The following ZNF816 variants were observed in gnomAD, a reference collection of about 807,000 sequenced individuals.
ZNF816 encodes zinc finger protein 816, also known as zinc finger protein 816A.
A neutral mutation model predicts 8.3 loss-of-function variants in ZNF816; 11 were observed. The ratio of observed to expected loss-of-function variants is 1.32; its 90% CI spans 0.83 to 2.19. ZNF816 has a LOEUF of 2.19. Ranked by LOEUF, ZNF816 falls within the 30% of genes most tolerant of loss-of-function variation. The pLI is 0.00. For missense variants in ZNF816, 710 were observed against 779.3 expected (o/e 0.91, Z 1.06); for synonymous variants, 255 against 254.5 (o/e 1.00, Z -0.02).
At position 52,951,044 on chromosome 19, in the gene ZNF816, AAG is replaced by A. The variant is rs779815432; in HGVS notation, c.729_730del (p.Leu244LysfsTer14). On this transcript the variant is annotated frameshift_variant, in exon 4 of 4. Transcript: ENST00000444460. LOFTEE classifies it low-confidence loss of function (END_TRUNC). Reference sequence around the variant, plus strand: ...TGAATGGGTTATGTGGTGTCTCCTTAAGAGTGAGCTATAATTAAAGGCTTTGC... The same window carrying A: ...TGAATGGGTTATGTGGTGTCTCCTTAAGTGAGCTATAATTAAAGGCTTTGC... 7 of 1,614,084 alleles carry A rather than the reference AAG, an allele frequency of 4.3e-6. No individual in the cohort carries two copies. Among genetic ancestry groups the A allele is most frequent in the Non-Finnish European group, 5.9e-6 (7 of 1,180,024 alleles).
chr19:52,959,191 A>C (rs1568440715), intron 1 of ZNF816, among the ~76,000 whole-genome samples: 2 of 152,238 alleles, frequency 1.3e-5, no homozygotes, highest in African/African-American at 2.4e-5. Flanking sequence ...ACCTGAACAT[A>C]AAGGCCCCCC....
At chr19:52,961,255 C>A (rs527696321) in intron 1 of ZNF816, among the ~76,000 whole-genome samples, 2 of 152,150 alleles carry the variant, frequency 1.3e-5, no homozygotes, top group East Asian at 3.9e-4. Context: ...CTAGGTGACA[C>A]AAGTAAAATA....
intron 3 of ZNF816, chr19:52,952,038 C>A: frequency 2.5e-6 from 1 of 395,868 alleles, no homozygotes; most frequent in Admixed American, 4.3e-5. Context: ...AACACTGTCA[C>A]AGTGCTAGTG....
At chr19:52,952,716 C>A (rs2083469746) in intron 3 of ZNF816, 35 bp downstream of exon 3, 2 of 1,611,122 alleles carry the variant, frequency 1.2e-6, no homozygotes, top group Non-Finnish European at 1.7e-6. Flanking sequence ...TAGACAAGTG[C>A]AGATTCCTCA....
intron 2 of ZNF816, chr19:52,953,374 C>G: frequency 4.7e-6 from 1 of 210,574 alleles, no homozygotes; most frequent in Non-Finnish European, 9.7e-6. Context: ...GCTTGGGCTG[C>G]AGAGTAGGAC....
At position 52,957,564 on chromosome 19, in the gene ZNF816, G is replaced by A. The variant is rs1056639745; in HGVS notation, c.-15-1460C>T. On this transcript the variant is annotated intron_variant, in intron 1 of 3. Coordinates refer to ENST00000444460, the MANE Select transcript of ZNF816 (RefSeq NM_001202457.3). The surrounding 1 kb of genome is among the most constrained non-coding windows in gnomAD (Gnocchi z 4.6). ...GACCAGGCTCAACTGCCCCCAAGGA[G>A]CCCATGGTCAAGATGACAGTTAGGG... 6.6e-6 allele frequency among the ~76,000 whole-genome samples: 1 copy of A among 152,190 alleles called. No homozygotes were observed. Among genetic ancestry groups the A allele is most frequent in the African/African-American group, 2.4e-5 (1 of 41,442 alleles).
chr19:52,949,884 T>G lies in ZNF816; in HGVS notation c.1891A>C (p.Thr631Pro). 1 of 1,613,868 alleles carries G rather than the reference T, an allele frequency of 6.2e-7. No homozygotes were observed. The highest frequency in any genetic ancestry group is 8.5e-7 in the Non-Finnish European group (1 of 1,179,808). ...TGGTGAATAAGTGTTGACTGTCCAG[T>G]AAAGGCTTTGCCACACTCATTACAC... ...YKCNECGKAF[T>P]GQSTLIHHQA... Residue 631 changes from threonine to proline, a missense_variant, in exon 4 of 4, where the codon ACT becomes CCT. By Grantham distance (38) the Thr-to-Pro change is conservative (BLOSUM62 -1). Coordinates refer to ENST00000444460, the MANE Select transcript of ZNF816 (RefSeq NM_001202457.3).
chr19:52,957,167 T>C lies in ZNF816; in HGVS notation c.-15-1063A>G, dbSNP rs2083517711. Among the ~76,000 whole-genome samples the C allele has an allele frequency of 6.6e-6, 1 of 152,204 alleles. No homozygotes were observed. Among genetic ancestry groups the C allele is most frequent in the South Asian group, 2.1e-4 (1 of 4,830 alleles). Reference sequence around the variant, plus strand: ...TAAAGCCACTTCCTTCTTTAATCCGTTGTCTGAGAGGTACTGTCTGCGGCT... The same window carrying C: ...TAAAGCCACTTCCTTCTTTAATCCGCTGTCTGAGAGGTACTGTCTGCGGCT... On this transcript the variant is annotated intron_variant, in intron 1 of 3. Coordinates refer to ENST00000444460, the MANE Select transcript of ZNF816 (RefSeq NM_001202457.3). This position sits in a 1 kb window ranked among gnomAD's most constrained non-coding sequence, Gnocchi z 4.6.
intron 2 of ZNF816, 72 bp downstream of exon 2, chr19:52,955,955 G>T: frequency 1.9e-6 from 3 of 1,549,366 alleles, no homozygotes; most frequent in Non-Finnish European, 2.6e-6. Flanking sequence ...ACTCAGAGAA[G>T]ATTGGCTACT....
chr19:52,950,301 G>C lies in ZNF816; in HGVS notation c.1474C>G (p.Arg492Gly). The C allele has an allele frequency of 6.2e-7, 1 of 1,613,350 alleles. No individual in the cohort carries two copies. The highest frequency in any genetic ancestry group is 8.5e-7 in the Non-Finnish European group (1 of 1,179,836). Residue 492 changes from arginine (R) to glycine (G), a missense_variant, in exon 4 of 4, where the codon CGA becomes GGA. Arg to Gly is a moderately radical substitution (Grantham distance 125). Coordinates refer to ENST00000444460, the MANE Select transcript of ZNF816 (RefSeq NM_001202457.3). ...TGATGACGTGCAAGGTTTTCTCTTC[G>C]ACTAAAAACCTTGCCACATTCATTA... ...TCNECGKVFS[R>G]RENLARHHRL...
rs2083451565 is a variant in ZNF816, at chr19:52,950,850, C to T, written c.925G>A (p.Gly309Arg). 3.1e-6 allele frequency: 5 copies of T among 1,614,052 alleles called. No individual in the cohort carries two copies. Among genetic ancestry groups the T allele is most frequent in the Non-Finnish European group, 4.2e-6 (5 of 1,180,014 alleles). Residue 309 changes from glycine to arginine, a missense_variant, in exon 4 of 4, where the codon GGA (glycine) becomes AGA (arginine). Gly to Arg is a moderately radical substitution (Grantham distance 125). Coordinates refer to ENST00000444460, the MANE Select transcript of ZNF816 (RefSeq NM_001202457.3). ...SLVCHRRLHT[G>R]EKPYKCNECG... ...TCATTACACTTGTAAGGTTTCTCTC[C>T]AGTATGAAGTCTACGATGGCATACA...
intron 1 of ZNF816, among the ~76,000 whole-genome samples, chr19:52,959,843 A>G (rs896942377): frequency 1.3e-5 from 2 of 152,220 alleles, no homozygotes; most frequent in Non-Finnish European, 2.9e-5. Context: ...AGGGAACTCC[A>G]GAGCTGACTC....
At chr19:52,954,259 T>C (rs2083490424) in intron 2 of ZNF816, among the ~76,000 whole-genome samples, 1 of 151,862 alleles carries the variant, frequency 6.6e-6, no homozygotes, top group African/African-American at 2.4e-5. Flanking sequence ...TGGTGGCGCA[T>C]GCCTATATTC....
rs1293092905 is a variant in ZNF816, at chr19:52,951,185, C to T, written c.590G>A (p.Cys197Tyr). 5 of 1,610,688 alleles carry T rather than the reference C, an allele frequency of 3.1e-6. No individual in the cohort carries two copies. The South Asian group carries it at 4.4e-5, about 14-fold the overall frequency. ...SSASESQRIS[C>Y]RLKTHISNKY... is the part of the protein sequence containing the mutation. The stretch of plus-strand genomic sequence containing the variant: ...ATTAGAAATATGAGTTTTGAGCCTA[C>T]AAGAAATTCTTTGGGATTCTGAAGC... The change falls in exon 4 of 4, where the codon TGT (cysteine) becomes TAT (tyrosine). Residue 197 changes from cysteine (C) to tyrosine (Y), a missense_variant. Cys to Tyr is a radical substitution (Grantham distance 194, BLOSUM62 -2). Transcript: ENST00000444460.
chr19:52,955,478 T>C (rs1244773975), intron 2 of ZNF816, among the ~76,000 whole-genome samples: 1 of 152,198 alleles, frequency 6.6e-6, no homozygotes, highest in African/African-American at 2.4e-5. Flanking sequence ...ACTAGAATTG[T>C]GCCATTGCAC....
Position 52,951,169 on chromosome 19 carries a change from A to G in ZNF816, c.606T>C (p.His202=). The G allele has an allele frequency of 6.2e-7, 1 of 1,613,952 alleles. No individual in the cohort carries two copies. The highest frequency in any genetic ancestry group is 8.5e-7 in the Non-Finnish European group (1 of 1,180,014). Residue 202 remains histidine (H), a synonymous_variant, in exon 4 of 4, where the codon CAT becomes CAC. Transcript: ENST00000444460. ...AATTCTTCCCATACTTATTAGAAATATGAGTTTTGAGCCTACAAGAAATTC... is the reference window on the plus strand; with the variant it reads ...AATTCTTCCCATACTTATTAGAAATGTGAGTTTTGAGCCTACAAGAAATTC... ...SQRISCRLKT[H]ISNKYGKNFL...
intron 2 of ZNF816, chr19:52,953,240 A>C: frequency 3.8e-6 from 1 of 266,044 alleles, no homozygotes; most frequent in Non-Finnish European, 7.7e-6. Flanking sequence ...AAAAATACAA[A>C]AAAAAAACCA....
At position 52,950,733 on chromosome 19, in the gene ZNF816, T is replaced by G; in HGVS notation, c.1042A>C (p.Lys348Gln). The G allele has an allele frequency of 6.2e-7, 1 of 1,614,164 alleles. No individual in the cohort carries two copies. The highest frequency in any genetic ancestry group is 8.5e-7 in the Non-Finnish European group (1 of 1,180,028). ...EKPYKCNECG[K>Q]TFGRNSALVI... is the part of the protein sequence containing the mutation. ...AGGGCTGAATTTCGACCAAAAGTCT[T>G]GCCACACTCATTACACTTGTAAGGT... Residue 348 changes from lysine to glutamine, a missense_variant, in exon 4 of 4, where the codon AAG becomes CAG. By Grantham distance (53) the Lys-to-Gln change is moderately conservative. Transcript: ENST00000444460.
chr19:52,956,690 C>T (rs939989868), intron 1 of ZNF816, among the ~76,000 whole-genome samples: 8 of 152,210 alleles, frequency 5.3e-5, no homozygotes, highest in East Asian at 3.9e-4. Flanking sequence ...TGTGGTGGCA[C>T]GCAGCTGTGG....
Sources: gnomAD v4.1 joint callset for allele counts (sites outside exome capture counted in the v4.1 genomes callset) on GRCh38, gnomAD v4.1.1 for gene constraint, Gnocchi (gnomAD v3.1) non-coding constraint, MANE v1.5 for transcripts, NCBI Gene and HGNC (gene_info 2026-07-23, HGNC 2026-07-21) for gene names.